The following CDC25C variants were observed in gnomAD, a reference collection of about 807,000 sequenced individuals.
The protein encoded by CDC25C is M-phase inducer phosphatase 3.
A neutral mutation model predicts 52.5 loss-of-function variants in CDC25C; 48 were observed. The ratio of observed to expected loss-of-function variants is 0.91; its 90% CI spans 0.72 to 1.16. CDC25C has a LOEUF of 1.16. Ranked by LOEUF, CDC25C falls within the 50% of genes most tolerant of loss-of-function variation. The probability of loss-of-function intolerance (pLI) is 0.00; values close to 1 mark genes in which losing one functional copy is unlikely to be tolerated. For synonymous variants in CDC25C, 187 were observed against 206.5 expected (o/e 0.91, Z 0.81); for missense variants, 510 against 566.1 (o/e 0.90, Z 1.01).
chr5:138,285,952 C>T (rs1199205501), intron 13 of CDC25C, 70 bp downstream of exon 13: 4 of 1,536,464 alleles, frequency 2.6e-6, no homozygotes, highest in Non-Finnish European at 3.6e-6. Context: ...GCAGTTTCTT[C>T]TCTGAAGGCT....
chr5:138,333,935 G>C (rs1217034642), upstream of CDC25C, among the ~76,000 whole-genome samples: 1 of 151,810 alleles, frequency 6.6e-6, no homozygotes, highest in Non-Finnish European at 1.5e-5. Flanking sequence ...TAGCTCTTAA[G>C]AGTATTTTTT....
intron 1 of CDC25C, chr5:138,337,768 G>T: frequency 2.7e-6 from 1 of 372,970 alleles, no homozygotes; most frequent in Non-Finnish European, 5.1e-6. Flanking sequence ...CTTCCCAGCA[G>T]CCTTCACGCC....
intron 7 of CDC25C, among the ~76,000 whole-genome samples, chr5:138,311,467 T>C (rs1758447673): frequency 6.6e-6 from 1 of 152,068 alleles, no homozygotes; most frequent in African/African-American, 2.4e-5. Flanking sequence ...TGGTGGTGCA[T>C]GCCTGTAGTA....
At chr5:138,305,406 T>C (rs1757933229) in intron 7 of CDC25C, among the ~76,000 whole-genome samples, 1 of 152,148 alleles carries the variant, frequency 6.6e-6, no homozygotes, top group African/African-American at 2.4e-5. Flanking sequence ...ACTAAATTAT[T>C]ATTATTATTA....
chr5:138,290,779 A>C, intron 8 of CDC25C, 39 bp from the exon 9 acceptor site: 11 of 1,259,576 alleles, frequency 8.7e-6, no homozygotes, highest in South Asian at 1.2e-5. Context: ...CCCAATCCTC[A>C]TGTTAAAGGT....
At chr5:138,333,540 A>C (rs1760537564), upstream of CDC25C, 1 of 152,238 alleles carries the variant, frequency 6.6e-6, no homozygotes, top group East Asian at 1.9e-4. Context: ...TGAGTTTGAA[A>C]ATCAGGCTGG....
chr5:138,315,906 A>G (rs1447362230), intron 7 of CDC25C, among the ~76,000 whole-genome samples: 1 of 152,228 alleles, frequency 6.6e-6, no homozygotes, highest in Non-Finnish European at 1.5e-5. Flanking sequence ...CCATGGAGCT[A>G]GCGGGAGCCC....
intron 2 of CDC25C, among the ~76,000 whole-genome samples, chr5:138,329,903 G>A (rs1275456410): frequency 6.6e-6 from 1 of 151,886 alleles, no homozygotes. Flanking sequence ...GCTAATTTTT[G>A]TATTTGTAGT....
Position 138,285,813 on chromosome 5 carries a change from G to A in CDC25C, c.1301C>T (p.Pro434Leu). 1 of 1,614,170 alleles carries A rather than the reference G, an allele frequency of 6.2e-7. No individual in the cohort carries two copies. Among genetic ancestry groups the A allele is most frequent in the Non-Finnish European group, 8.5e-7 (1 of 1,180,004 alleles). ...AGTCTTGTGGTCCTGATGATGCATA[G>A]GGCAGTAGCTCTGTGGTTCACACAG... is the stretch of plus-strand genomic sequence containing the variant. The part of the protein sequence containing the change: ...MELCEPQSYC[P>L]MHHQDHKTEL... The change falls in exon 14 of 14, where the codon CCT (proline) becomes CTT (leucine). Residue 434 changes from proline (P) to leucine (L), a missense_variant. Physicochemically the swap from Pro to Leu is moderately conservative, Grantham distance 98. Coordinates refer to ENST00000323760, the MANE Select transcript of CDC25C (RefSeq NM_001790.5).
At chr5:138,289,460 T>C in intron 10 of CDC25C, 41 bp downstream of exon 10, 8 of 1,431,428 alleles carry the variant, frequency 5.6e-6, no homozygotes, top group Non-Finnish European at 7.9e-6. Flanking sequence ...GACCAGATGG[T>C]AGCTTATGTA....
At chr5:138,291,619 G>A (rs1400288375) in intron 8 of CDC25C, among the ~76,000 whole-genome samples, 3 of 151,532 alleles carry the variant, frequency 2.0e-5, no homozygotes, top group South Asian at 2.1e-4. Flanking sequence ...GGGTTTCACC[G>A]TGTTGCCCAG....
chr5:138,327,253 CAA>C (rs758956397), intron 4 of CDC25C, among the ~76,000 whole-genome samples: 5 of 123,828 alleles, frequency 4.0e-5, no homozygotes, highest in Non-Finnish European at 3.4e-5. Context: ...GACTCCATCT[CAA>C]AAAAAAAAAA....
At position 138,286,326 on chromosome 5, in the gene CDC25C, C is replaced by T. The variant is rs963634106; in HGVS notation, c.1160+171G>A. 3.9e-5 allele frequency among the ~76,000 whole-genome samples: 6 copies of T among 152,206 alleles called. No homozygotes were observed. In the East Asian group the frequency reaches 1.2e-3, roughly 29 times the overall value. On this transcript the variant is annotated intron_variant, in intron 12 of 13. Transcript: ENST00000323760. ...CTTTCCTCCACTGCAGCCTCATTCT[C>T]AATCCCTTTTCCTTTATTGTTTCAA...
chr5:138,294,407 G>C (rs1757011842), intron 7 of CDC25C, among the ~76,000 whole-genome samples: 1 of 150,682 alleles, frequency 6.6e-6, no homozygotes, highest in Non-Finnish European at 1.5e-5. Flanking sequence ...GGTCAGGCTG[G>C]TGTCGAACTC....
chr5:138,335,075 ATGT>A (rs1561733622), upstream of CDC25C: 1 of 152,210 alleles, frequency 6.6e-6, no homozygotes, highest in Non-Finnish European at 1.5e-5. Context: ...TGACTCATAC[ATGT>A]TGTTGCCAGG....
chr5:138,308,923 A>C (rs1758235241), intron 7 of CDC25C, among the ~76,000 whole-genome samples: 1 of 152,072 alleles, frequency 6.6e-6, no homozygotes. Flanking sequence ...GGCTCCCCTC[A>C]AAGGGAGACA....
intron 7 of CDC25C, among the ~76,000 whole-genome samples, chr5:138,303,802 T>C (rs1757802690): frequency 2.0e-5 from 3 of 152,220 alleles, no homozygotes; most frequent in Admixed American, 2.0e-4. Flanking sequence ...TATTTGTCTG[T>C]CTGTTTCCTC....
Position 138,331,771 on chromosome 5 carries a change from CAGA to C in CDC25C, c.-218_-216del. The C allele has an allele frequency of 2.1e-6, 2 of 962,938 alleles. No homozygotes were observed. The highest frequency in any genetic ancestry group is 2.5e-6 in the Non-Finnish European group (2 of 808,262). 59.6% of individuals were successfully genotyped at this position (962,938 alleles called of 1,614,324 possible). A position where few individuals can be genotyped will look rare whatever the true frequency, so the allele number is the denominator to read the frequency against. ...CGTCGGACTCAGAGTCTTCCCTGAG[CAGA>C]AGGCCAAAGTTACGGCCTCTGAGCA... On this transcript the variant is annotated 5_prime_UTR_variant, in exon 1 of 14. Transcript: ENST00000323760.
At chr5:138,297,364 T>C (rs1484845805) in intron 7 of CDC25C, among the ~76,000 whole-genome samples, 1 of 152,080 alleles carries the variant, frequency 6.6e-6, no homozygotes, top group Admixed American at 6.6e-5. Flanking sequence ...CCCGGCCTAG[T>C]TCTTTATTTC....
Sources: gnomAD v4.1 joint callset for allele counts (sites outside exome capture counted in the v4.1 genomes callset) on GRCh38, gnomAD v4.1.1 for gene constraint, MANE v1.5 for transcripts, NCBI Gene and HGNC (gene_info 2026-07-23, HGNC 2026-07-21) for gene names.